The following DCDC1 variants were observed in gnomAD, a reference collection of about 807,000 sequenced individuals.
DCDC1 encodes doublecortin domain containing 1, also known as doublecortin domain-containing protein 1.
In DCDC1, 200 loss-of-function variants were observed where a neutral mutation model predicts 178.3. The observed-to-expected ratio is 1.12, with a 90% confidence interval of 1.00 to 1.26. The LOEUF is 1.26. Among genes scored for constraint, DCDC1 ranks in the 50% most tolerant of loss-of-function variants. The pLI is 0.00. For missense variants in DCDC1, 1,983 were observed against 1,749.2 expected, an observed-to-expected ratio of 1.13 and a Z score of -2.38; for synonymous variants, 690 against 604.8, an observed-to-expected ratio of 1.14 and a Z score of -2.07.
intron 8 of DCDC1, among the ~76,000 whole-genome samples, chr11:31,250,421 C>CACACACAT (rs1555146241): frequency 9.4e-5 from 5 of 52,956 alleles, no homozygotes; most frequent in East Asian, 3.7e-3. Flanking sequence ...CACACATATA[C>CACACACAT]ATATATATGT....
chr11:31,034,464 C>T (rs1015717426), intron 20 of DCDC1, among the ~76,000 whole-genome samples: 15 of 152,184 alleles, frequency 9.9e-5, no homozygotes, highest in Non-Finnish European at 2.2e-4. Flanking sequence ...GCCCTACAAG[C>T]TCCATTCATG....
At chr11:30,886,674 C>T (rs1213354630) in intron 36 of DCDC1, among the ~76,000 whole-genome samples, 1 of 152,144 alleles carries the variant, frequency 6.6e-6, no homozygotes, top group Admixed American at 6.6e-5. Flanking sequence ...AACTAAAAGC[C>T]TTATCTCCAA....
In DCDC1 at chr11:31,185,484, G is replaced by A. The variant is rs75118305; in HGVS notation, c.1222-47700C>T. Reference sequence around the variant, plus strand: ...TAGCAGAAAAAAGGAAAGACATATAGTTAGAGTCAGTGGAGAAATACTCCC... The same window carrying A: ...TAGCAGAAAAAAGGAAAGACATATAATTAGAGTCAGTGGAGAAATACTCCC... On this transcript the variant is annotated intron_variant, in intron 9 of 38. Coordinates refer to ENST00000684477, the MANE Select transcript of DCDC1 (RefSeq NM_001387274.1). Among the ~76,000 whole-genome samples, 1,255 of 152,040 alleles carry A rather than the reference G, an allele frequency of 8.3e-3. 21 individuals are homozygous for A. Among genetic ancestry groups the A allele is most frequent in the African/African-American group, 0.029 (1,201 of 41,504 alleles).
chr11:31,269,117 T>C (rs926440807), intron 7 of DCDC1, among the ~76,000 whole-genome samples: 1 of 152,178 alleles, frequency 6.6e-6, no homozygotes, highest in Non-Finnish European at 1.5e-5. Context: ...GAAAAATCTT[T>C]GCAGTGTTTA....
chr11:31,273,432 G>A (rs1478195418), intron 7 of DCDC1, among the ~76,000 whole-genome samples: 1 of 151,946 alleles, frequency 6.6e-6, no homozygotes, highest in Non-Finnish European at 1.5e-5. Flanking sequence ...TCTAGGGCAG[G>A]GGCAACATAC....
chr11:30,927,830 A>G (rs1477976040), intron 22 of DCDC1, among the ~76,000 whole-genome samples: 1 of 152,182 alleles, frequency 6.6e-6, no homozygotes, highest in East Asian at 1.9e-4. Flanking sequence ...CCTTAAACTC[A>G]ATAAAACTAT....
chr11:30,894,369 G>T lies in DCDC1; in HGVS notation c.4781C>A (p.Ala1594Glu). The T allele has an allele frequency of 6.2e-7, 1 of 1,613,540 alleles. No individual in the cohort carries two copies. ...AGGAACCATGGTGGCTGGCTGACAT[G>T]CCGCTACTCGCCGCCCTGAGGAAAC... is the stretch of plus-strand genomic sequence containing the variant. ...MRQLKGRRVA[A>E]CQPATMVPTK... Residue 1594 changes from alanine (A) to glutamate (E), a missense_variant, in exon 35 of 39, where the codon GCA becomes GAA. Ala to Glu is a moderately radical substitution (Grantham distance 107). Transcript: ENST00000684477.
chr11:31,216,202 G>A (rs375782693), intron 9 of DCDC1, among the ~76,000 whole-genome samples: 3 of 152,222 alleles, frequency 2.0e-5, no homozygotes, highest in East Asian at 3.9e-4. Context: ...GAATATTAAC[G>A]TTATTTTCCC....
chr11:31,330,554 C>A (rs1949917870), intron 2 of DCDC1, among the ~76,000 whole-genome samples: 1 of 152,050 alleles, frequency 6.6e-6, no homozygotes, highest in Non-Finnish European at 1.5e-5. Flanking sequence ...GTTTTTAATC[C>A]ATCTTGAATT....
intron 9 of DCDC1, among the ~76,000 whole-genome samples, chr11:31,166,276 G>GA (rs1966780349): frequency 6.6e-6 from 1 of 152,128 alleles, no homozygotes; most frequent in Non-Finnish European, 1.5e-5. Flanking sequence ...TGAGTATCAT[G>GA]AAATTGTAAG....
intron 9 of DCDC1, among the ~76,000 whole-genome samples, chr11:31,235,210 T>C (rs531551466): frequency 1.3e-5 from 2 of 152,220 alleles, no homozygotes; most frequent in South Asian, 4.1e-4. Flanking sequence ...ATTTAGGTTA[T>C]AATCATTTCC....
At chr11:31,189,965 T>C (rs750123612) in intron 9 of DCDC1, among the ~76,000 whole-genome samples, 1 of 152,196 alleles carries the variant, frequency 6.6e-6, no homozygotes, top group Admixed American at 6.5e-5. Flanking sequence ...TTGACTGATA[T>C]AATCAGAGAT....
chr11:31,035,385 C>T (rs551398214), intron 20 of DCDC1, among the ~76,000 whole-genome samples: 2 of 152,350 alleles, frequency 1.3e-5, no homozygotes, highest in Admixed American at 1.3e-4. Context: ...TATCACGTCT[C>T]CTTAGTCTCC....
intron 36 of DCDC1, among the ~76,000 whole-genome samples, chr11:30,888,110 G>GA (rs775681874): frequency 9.4e-6 from 1 of 105,862 alleles, no homozygotes; most frequent in African/African-American, 3.8e-5. Flanking sequence ...AAGAAAGAAA[G>GA]AAAGAAAGAA....
chr11:31,202,612 A>G (rs922861494), intron 9 of DCDC1, among the ~76,000 whole-genome samples: 1 of 152,142 alleles, frequency 6.6e-6, no homozygotes, highest in Non-Finnish European at 1.5e-5. Context: ...ATCCAAGACA[A>G]CTTGGTACTT....
chr11:31,171,501 A>G (rs564835855), intron 9 of DCDC1, among the ~76,000 whole-genome samples: 42 of 152,310 alleles, frequency 2.8e-4, no homozygotes, highest in African/African-American at 9.9e-4. Flanking sequence ...GACTGGATAC[A>G]CCATATCTCT....
intron 17 of DCDC1, among the ~76,000 whole-genome samples, chr11:31,078,751 C>T (rs1175824530): frequency 1.3e-5 from 2 of 152,118 alleles, no homozygotes; most frequent in Non-Finnish European, 2.9e-5. Flanking sequence ...GAAATGGATG[C>T]TTAATAACAA....
At chr11:31,184,209 T>C (rs572296729) in intron 9 of DCDC1, among the ~76,000 whole-genome samples, 1 of 152,176 alleles carries the variant, frequency 6.6e-6, no homozygotes, top group Non-Finnish European at 1.5e-5. Flanking sequence ...ATTTAATAAA[T>C]GGTATTGGGA....
At chr11:31,336,654 A>G (rs925223636) in intron 1 of DCDC1, among the ~76,000 whole-genome samples, 23 of 152,350 alleles carry the variant, frequency 1.5e-4, no homozygotes, top group Middle Eastern at 6.8e-3. Flanking sequence ...TGTGGCAGAG[A>G]CTGCCAATTG....
Sources: gnomAD v4.1 joint callset for allele counts (sites outside exome capture counted in the v4.1 genomes callset) on GRCh38, gnomAD v4.1.1 for gene constraint, MANE v1.5 for transcripts, NCBI Gene and HGNC (gene_info 2026-07-23, HGNC 2026-07-21) for gene names.